The following FAM83E variants were observed in gnomAD, a reference collection of about 807,000 sequenced individuals.
FAM83E encodes the protein scaffolding CK1 anchoring protein E, also known as protein FAM83E.
A neutral mutation model predicts 34.3 loss-of-function variants in FAM83E; 29 were observed. The ratio of observed to expected loss-of-function variants is 0.85; its 90% CI spans 0.63 to 1.15. The LOEUF (loss-of-function observed/expected upper bound fraction) is 1.15. Among genes scored for constraint, FAM83E ranks in the 50% most tolerant of loss-of-function variants. The pLI is 0.00. For missense variants in FAM83E, 697 were observed against 685.0 expected (o/e 1.02, Z -0.20); for synonymous variants, 312 against 311.6 (o/e 1.00, Z -0.01).
At chr19:48,607,083 T>C (rs2147643587) in intron 5 of FAM83E, 1 of 1,613,312 alleles carries the variant, frequency 6.2e-7, no homozygotes. Flanking sequence ...TGCAGTGTCC[T>C]GGTACCTACA....
Position 48,614,446 on chromosome 19 carries a change from G to T in FAM83E, c.-1074C>A. 1.2e-5 allele frequency: 12 copies of T among 985,578 alleles called. No homozygotes were observed. The highest frequency in any genetic ancestry group is 4.7e-5 in the South Asian group (1 of 21,278). The allele number at this position is 985,578 out of a possible 1,614,324, so 61.1% of individuals were successfully genotyped here. The stretch of plus-strand genomic sequence containing the variant: ...GCTATCTCCTGCCAGCTACCCGGAC[G>T]CTTCTTCCCGGACAGGGGCCAGTCT... On this transcript the variant is annotated 5_prime_UTR_variant, in exon 3 of 7. Coordinates refer to ENST00000263266, the MANE Select transcript of FAM83E (RefSeq NM_017708.4).
At chr19:48,607,457 C>T (rs976765083) in intron 5 of FAM83E, 2 of 1,419,678 alleles carry the variant, frequency 1.4e-6, no homozygotes, top group Non-Finnish European at 1.9e-6. Flanking sequence ...TGGACAACCT[C>T]TTGCGGCCCT....
chr19:48,603,167 T>C (rs1973860918), intron 6 of FAM83E, among the ~76,000 whole-genome samples: 3 of 152,092 alleles, frequency 2.0e-5, no homozygotes, highest in South Asian at 4.2e-4. Context: ...TCGGAATGAG[T>C]GCCCTTGCTC....
Position 48,602,587 on chromosome 19 carries a change from G to A in FAM83E, c.1176+907C>T, listed in dbSNP as rs1270553432. On this transcript the variant is annotated intron_variant, in intron 6 of 6. Coordinates refer to ENST00000263266, the MANE Select transcript of FAM83E (RefSeq NM_017708.4). ...AGGTGAAGGTAAGGACCTTGCCCCTGCCCATCCCCCGTCTCCTCTCCAGCT... is the reference window on the plus strand; with the variant it reads ...AGGTGAAGGTAAGGACCTTGCCCCTACCCATCCCCCGTCTCCTCTCCAGCT... 2.7e-5 allele frequency among the ~76,000 whole-genome samples: 4 copies of A among 147,320 alleles called. No individual in the cohort carries two copies. In the Admixed American group the frequency reaches 2.7e-4, roughly 10 times the overall value.
At chr19:48,602,196 G>T (rs937943673) in intron 6 of FAM83E, among the ~76,000 whole-genome samples, 36 of 148,626 alleles carry the variant, frequency 2.4e-4, no homozygotes, top group African/African-American at 8.9e-4. Context: ...AGAGGAAGGG[G>T]TAAGGGAGAA....
chr19:48,610,314 G>A (rs991910188), intron 4 of FAM83E, among the ~76,000 whole-genome samples: 27 of 137,424 alleles, frequency 2.0e-4, no homozygotes, highest in African/African-American at 7.1e-4. Flanking sequence ...CAGGAGAATC[G>A]TTTGAACCCG....
At chr19:48,611,532 A>G (rs1449749904) in intron 3 of FAM83E, among the ~76,000 whole-genome samples, 1 of 151,470 alleles carries the variant, frequency 6.6e-6, no homozygotes, top group Non-Finnish European at 1.5e-5. Flanking sequence ...CAGTGGCGCA[A>G]TATCAGCTCA....
chr19:48,613,180 G>A lies in FAM83E; in HGVS notation c.193C>T (p.Gln65Ter), dbSNP rs1214930179. 1 of 1,612,000 alleles carries A rather than the reference G, an allele frequency of 6.2e-7. No homozygotes were observed. Among genetic ancestry groups the A allele is most frequent in the Non-Finnish European group, 8.5e-7 (1 of 1,179,928 alleles). ...TCTTCAGCTGCCGCTGCCAAGCCCT[G>A]AACCTCATCCGCACTGAGGAAGGGC... The part of the protein sequence containing the change: ...LWPFLSADEV[Q>*]GLAAAAEDWT... Residue 65 changes from glutamine (Q) to a stop codon, truncating the protein, a stop_gained, in exon 3 of 7, where the codon CAG (glutamine) becomes TAG (stop). Coordinates refer to ENST00000263266, the MANE Select transcript of FAM83E (RefSeq NM_017708.4). LOFTEE classifies it high-confidence loss of function.
rs975324346 is a variant in FAM83E, at chr19:48,613,925, A to G, written c.-553T>C. 7.1e-6 allele frequency: 7 copies of G among 985,090 alleles called. No homozygotes were observed. The highest frequency in any genetic ancestry group is 8.4e-6 in the Non-Finnish European group (7 of 829,886). The allele number at this position is 985,090 out of a possible 1,614,324, so 61.0% of individuals were successfully genotyped here. On this transcript the variant is annotated 5_prime_UTR_variant, in exon 3 of 7. Transcript: ENST00000263266. ...GGTTGCCTGCCTGCCCCCGGCCAAG[A>G]GCACGACGAACTGACCCTCTCCTTC...
At chr19:48,603,009 A>C (rs1973858389) in intron 6 of FAM83E, among the ~76,000 whole-genome samples, 1 of 150,978 alleles carries the variant, frequency 6.6e-6, no homozygotes, top group South Asian at 2.1e-4. Context: ...GCACCAACAC[A>C]CCCAGCGAAT....
chr19:48,613,195 TGAGG>T lies in FAM83E; in HGVS notation c.174_177del (p.Phe58LeufsTer40). 3 of 1,611,662 alleles carry T rather than the reference TGAGG, an allele frequency of 1.9e-6. No individual in the cohort carries two copies. Among genetic ancestry groups the T allele is most frequent in the Non-Finnish European group, 2.5e-6 (3 of 1,179,910 alleles). ...GCCAAGCCCTGAACCTCATCCGCAC[TGAGG>T]AAGGGCCACAGCTCCTCGCGCTGCA... On this transcript the variant is annotated frameshift_variant, in exon 3 of 7. Coordinates refer to ENST00000263266, the MANE Select transcript of FAM83E (RefSeq NM_017708.4). LOFTEE classifies it high-confidence loss of function.
At chr19:48,612,788 A>G in intron 3 of FAM83E, 120 bp downstream of exon 3, 4 of 1,188,808 alleles carry the variant, frequency 3.4e-6, no homozygotes, top group Non-Finnish European at 4.6e-6. Flanking sequence ...CCTGGGTCCC[A>G]GGGGTATAGG....
At chr19:48,601,575 G>A (rs1973816302) in intron 6 of FAM83E, among the ~76,000 whole-genome samples, 1 of 151,736 alleles carries the variant, frequency 6.6e-6, no homozygotes. Flanking sequence ...GACCAGCCTG[G>A]CCAACATGGT....
rs1277739869 is a variant in FAM83E at position 48,602,705 on chromosome 19, ATATATATATATATATATATATATATAT to A, written c.1176+762_1176+788del. ...CTATCTCAAAAAAAAAAAAAAAAAA[ATATATATATATATATATATATATATAT>A]ATATATATATATATATATATAGCTT... On this transcript the variant is annotated intron_variant, in intron 6 of 6. Coordinates refer to ENST00000263266, the MANE Select transcript of FAM83E (RefSeq NM_017708.4). Among the ~76,000 whole-genome samples, 10 of 29,426 alleles carry A rather than the reference ATATATATATATATATATATATATATAT, an allele frequency of 3.4e-4. 1 individual carries two copies. Among genetic ancestry groups the A allele is most frequent in the Middle Eastern group, 0.021 (1 of 48 alleles). 19.3% of individuals were successfully genotyped at this position (29,426 alleles called of 152,430 possible).
chr19:48,603,096 ATTG>A (rs1973859911), intron 6 of FAM83E, among the ~76,000 whole-genome samples: 1 of 151,586 alleles, frequency 6.6e-6, no homozygotes, highest in Non-Finnish European at 1.5e-5. Flanking sequence ...TCAGGAATGT[ATTG>A]TTGTTGTCAT....
rs1001432335 is a variant in FAM83E at position 48,613,330 on chromosome 19, C to T, written c.43G>A (p.Gly15Ser). ...QLAALEGVDS[G>S]PRVPGASPGF... ...GGGCTGGCCCCGGGCACCCTGGGAC[C>T]GGAGTCCACTCCTTCCAGCGCCGCC... The change falls in exon 3 of 7, where the codon GGT (glycine) becomes AGT (serine). Residue 15 changes from glycine (G) to serine (S), a missense_variant. Transcript: ENST00000263266. The T allele has an allele frequency of 8.2e-6, 13 of 1,593,386 alleles. No individual in the cohort carries two copies. Among genetic ancestry groups the T allele is most frequent in the East Asian group, 4.5e-5 (2 of 44,346 alleles).
intron 5 of FAM83E, chr19:48,607,501 C>T: frequency 8.8e-7 from 1 of 1,133,716 alleles, no homozygotes; most frequent in Non-Finnish European, 1.2e-6. Context: ...CCACCAGGAG[C>T]CCGGTGCTAG....
In FAM83E at chr19:48,613,860, G is replaced by A; in HGVS notation, c.-488C>T. The A allele has an allele frequency of 1.0e-6, 1 of 985,344 alleles. No homozygotes were observed. Among genetic ancestry groups the A allele is most frequent in the Non-Finnish European group, 1.2e-6 (1 of 829,884 alleles). The allele number at this position is 985,344 out of a possible 1,614,324, so 61.0% of individuals were successfully genotyped here. A position where few individuals can be genotyped will look rare whatever the true frequency, so the allele number is the denominator to read the frequency against. On this transcript the variant is annotated 5_prime_UTR_variant, in exon 3 of 7. Transcript: ENST00000263266. ...ATCATTTCCAGGCGGCAAGCTGCCT[G>A]CCTGTCTCTAATCACCCAAAGGTCC...
Position 48,607,020 on chromosome 19 carries a change from C to T in FAM83E, c.758+2856G>A, listed in dbSNP as rs370269967. 1.6e-5 allele frequency: 26 copies of T among 1,611,150 alleles called. No homozygotes were observed. The African/African-American group carries it at 1.9e-4, about 12-fold the overall frequency. On this transcript the variant is annotated intron_variant, in intron 5 of 6. Transcript: ENST00000263266. ...TGCTGCTTCTGGTGATGGCTCTGCC[C>T]CCAGGCACGACGGGCGTCAAGGACT...
Sources: gnomAD v4.1 joint callset for allele counts (sites outside exome capture counted in the v4.1 genomes callset) on GRCh38, gnomAD v4.1.1 for gene constraint, MANE v1.5 for transcripts, NCBI Gene and HGNC (gene_info 2026-07-23, HGNC 2026-07-21) for gene names.